NTM: variants seen among roughly 807,000 people sequenced by gnomAD.
The protein encoded by NTM is neurotrimin.
A neutral mutation model predicts 42.1 loss-of-function variants in NTM; 13 were observed. The observed-to-expected ratio is 0.31, with a 90% CI of 0.20 to 0.49. The LOEUF (loss-of-function observed/expected upper bound fraction) is 0.49, where lower values mean the gene tolerates loss of function less well. Ranked by LOEUF, NTM falls within the 20% of genes least tolerant of loss-of-function variation. The pLI, the probability that NTM is intolerant of heterozygous loss-of-function variation, is 0.99. For missense variants in NTM, 373 were observed against 452.8 expected (o/e 0.82, Z 1.60); for synonymous variants, 187 against 179.2 (o/e 1.04, Z -0.35).
At chr11:131,690,601 C>T (rs139345035) in intron 1 of NTM, among the ~76,000 whole-genome samples, 2 of 152,326 alleles carry the variant, frequency 1.3e-5, no homozygotes, top group East Asian at 3.9e-4. Context: ...CTGCCTTGTA[C>T]GGAAATACAG....
intron 1 of NTM, among the ~76,000 whole-genome samples, chr11:131,641,400 T>G (rs2065111929): frequency 6.6e-6 from 1 of 152,190 alleles, no homozygotes; most frequent in South Asian, 2.1e-4. Flanking sequence ...CACTTTAAAA[T>G]AGACCAGACT....
chr11:132,320,285 G>C (rs769587409), intron 7 of NTM, among the ~76,000 whole-genome samples: 1 of 152,232 alleles, frequency 6.6e-6, no homozygotes, highest in Non-Finnish European at 1.5e-5. Context: ...TCATTAAGGA[G>C]TGCCAGACAG....
At chr11:131,549,846 A>T (rs973009423) in intron 1 of NTM, among the ~76,000 whole-genome samples, 1 of 152,266 alleles carries the variant, frequency 6.6e-6, no homozygotes, top group Non-Finnish European at 1.5e-5. Flanking sequence ...GATGATTAAC[A>T]TCCTAACACT....
At chr11:131,581,456 G>A (rs2058403334) in intron 1 of NTM, among the ~76,000 whole-genome samples, 1 of 152,180 alleles carries the variant, frequency 6.6e-6, no homozygotes, top group Admixed American at 6.5e-5. Flanking sequence ...TTGATTTTAG[G>A]ATCGGTAAAA....
chr11:131,995,189 A>G lies in NTM; in HGVS notation c.167+83541A>G, dbSNP rs1330994821. Among the ~76,000 whole-genome samples, 24 of 152,188 alleles carry G rather than the reference A, an allele frequency of 1.6e-4. 1 individual carries two copies. The highest frequency in any genetic ancestry group is 1.6e-3 in the Admixed American group (24 of 15,282). On this transcript the variant is annotated intron_variant, in intron 2 of 8. Transcript: ENST00000683400. Reference sequence around the variant, plus strand: ...GGTAAGGATGGGTTATGATCTAAGCACTTAGCAGGTCATGAAACATCTTCT... The same window carrying G: ...GGTAAGGATGGGTTATGATCTAAGCGCTTAGCAGGTCATGAAACATCTTCT...
At chr11:131,753,159 A>G (rs1009140397) in intron 1 of NTM, among the ~76,000 whole-genome samples, 11 of 152,222 alleles carry the variant, frequency 7.2e-5, no homozygotes, top group Non-Finnish European at 1.6e-4. Flanking sequence ...ATCACTGGCC[A>G]TCAGAGAAAT....
chr11:131,833,526 G>A (rs964632303), intron 1 of NTM, among the ~76,000 whole-genome samples: 1 of 152,168 alleles, frequency 6.6e-6, no homozygotes, highest in Non-Finnish European at 1.5e-5. Flanking sequence ...ACACTCATGG[G>A]GGAAGCCACC....
At chr11:131,477,972 T>G (rs2136217339) in intron 1 of NTM, among the ~76,000 whole-genome samples, 1 of 152,154 alleles carries the variant, frequency 6.6e-6, no homozygotes, top group East Asian at 1.9e-4. Flanking sequence ...TTACACACAG[T>G]GACTTTCTGG....
chr11:132,088,784 G>T (rs1321032520), intron 2 of NTM, among the ~76,000 whole-genome samples: 2 of 152,176 alleles, frequency 1.3e-5, no homozygotes, highest in Admixed American at 6.5e-5. Context: ...TGGGTCAGAG[G>T]TTCTCTGAGG....
At chr11:131,902,226 A>C (rs2137730877) in intron 1 of NTM, among the ~76,000 whole-genome samples, 1 of 152,354 alleles carries the variant, frequency 6.6e-6, no homozygotes. Flanking sequence ...GGAAGTGGAT[A>C]GTTTGGGTAT....
In NTM at chr11:131,777,111, G is replaced by A. The variant is rs11222787; in HGVS notation, c.83-134453G>A. 4 of 934,092 alleles carry A rather than the reference G, an allele frequency of 4.3e-6. No individual in the cohort carries two copies. The East Asian group carries it at 4.7e-4, about 109-fold the overall frequency. 57.9% of individuals were successfully genotyped at this position (934,092 alleles called of 1,614,324 possible). On this transcript the variant is annotated intron_variant, in intron 1 of 8. Transcript: ENST00000683400. ...GAAATTATTGATTTCTATTATTGAA[G>A]GAAGTACTCAGTGTATTTATATATA...
intron 1 of NTM, among the ~76,000 whole-genome samples, chr11:131,622,742 A>C (rs927424253): frequency 4.0e-4 from 61 of 152,190 alleles, no homozygotes; most frequent in African/African-American, 1.4e-3. Context: ...GACAGTAGAG[A>C]TGTGTCCTGA....
At chr11:132,189,641 T>TACACACACACACAC (rs35740557) in intron 3 of NTM, among the ~76,000 whole-genome samples, 2 of 149,114 alleles carry the variant, frequency 1.3e-5, no homozygotes, top group Admixed American at 1.3e-4. Flanking sequence ...TCACGGCAGA[T>TACACACACACACAC]ACACACACAC....
chr11:132,156,400 A>T (rs2137525030), intron 3 of NTM, among the ~76,000 whole-genome samples: 1 of 152,238 alleles, frequency 6.6e-6, no homozygotes, highest in African/African-American at 2.4e-5. Context: ...CTTTGACTCA[A>T]ATGCCATTTC....
intron 1 of NTM, among the ~76,000 whole-genome samples, chr11:131,867,451 G>C (rs1313935970): frequency 6.6e-6 from 1 of 151,824 alleles, no homozygotes; most frequent in East Asian, 1.9e-4. Context: ...ATATGTGTAT[G>C]TGTGTGTGTG....
intron 2 of NTM, among the ~76,000 whole-genome samples, chr11:132,123,495 C>T (rs551802106): frequency 1.4e-3 from 212 of 152,258 alleles, no homozygotes; most frequent in African/African-American, 4.9e-3. Flanking sequence ...CATAGAACGA[C>T]AGAGGAAGCT....
At chr11:131,662,735 T>C (rs1452523704) in intron 1 of NTM, among the ~76,000 whole-genome samples, 1 of 152,092 alleles carries the variant, frequency 6.6e-6, no homozygotes, top group Non-Finnish European at 1.5e-5. Context: ...CTTTTCTGCA[T>C]AGTGTAGGCA....
rs908624877 is a variant in NTM, at chr11:131,883,024, G to A, written c.83-28540G>A. On this transcript the variant is annotated intron_variant, in intron 1 of 8. Transcript: ENST00000683400. ...ACATAAAGTTGATGACATATCCTGA[G>A]TGCACATTTCTACTGAGGAAGGAAA... 1.3e-5 allele frequency among the ~76,000 whole-genome samples: 2 copies of A among 152,198 alleles called. 1 individual carries two copies. The highest frequency in any genetic ancestry group is 1.3e-4 in the Admixed American group (2 of 15,278).
At chr11:132,250,879 A>G (rs1000927953) in intron 4 of NTM, among the ~76,000 whole-genome samples, 1 of 151,934 alleles carries the variant, frequency 6.6e-6, no homozygotes, top group Non-Finnish European at 1.5e-5. Flanking sequence ...TTTCTATTTT[A>G]TGCTGTTCTC....
Sources: allele counts gnomAD v4.1 joint callset (sites outside exome capture counted in the v4.1 genomes callset), GRCh38; gene constraint gnomAD v4.1.1; transcripts MANE v1.5; gene names NCBI Gene and HGNC (gene_info 2026-07-23, HGNC 2026-07-21).